CAPN9: variants seen among roughly 807,000 people sequenced by gnomAD.
CAPN9 encodes calpain 9.
CAPN9 carries 81 observed loss-of-function variants against 92.8 expected under a neutral mutation model. The ratio of observed to expected loss-of-function variants is 0.87; its 90% CI spans 0.73 to 1.05. The LOEUF is 1.05. CAPN9 is among the 50% of genes least tolerant of loss of function. CAPN9 has a pLI of 0.00. For missense variants in CAPN9, 848 were observed against 866.2 expected (o/e 0.98, Z 0.26); for synonymous variants, 304 against 328.0 (o/e 0.93, Z 0.79).
intron 7 of CAPN9, 142 bp downstream of exon 7, chr1:230,772,241 C>A (rs925215149): frequency 9.8e-5 from 65 of 663,008 alleles, no homozygotes; most frequent in Non-Finnish European, 2.4e-5. Flanking sequence ...CTGAGGTGCC[C>A]CTTCTTCCTC....
chr1:230,792,233 C>T (rs1668038573), intron 15 of CAPN9, among the ~76,000 whole-genome samples, 193 bp from the exon 16 acceptor site: 1 of 152,166 alleles, frequency 6.6e-6, no homozygotes, highest in Admixed American at 6.5e-5. Context: ...CGGGACCACC[C>T]CCATTCCACT....
chr1:230,790,325 C>A, intron 14 of CAPN9, 136 bp downstream of exon 14: 1 of 1,373,084 alleles, frequency 7.3e-7, no homozygotes, highest in Non-Finnish European at 9.4e-7. Flanking sequence ...TTAAAAATAG[C>A]TTTCATTGTT....
chr1:230,750,185 C>T (rs1298641854), intron 1 of CAPN9, among the ~76,000 whole-genome samples: 1 of 152,174 alleles, frequency 6.6e-6, no homozygotes, highest in Non-Finnish European at 1.5e-5. Flanking sequence ...TTGATACACA[C>T]AAGCCCCTGC....
At position 230,775,226 on chromosome 1, in the gene CAPN9, A is replaced by G. The variant is rs988056841; in HGVS notation, c.953+595A>G. Among the ~76,000 whole-genome samples the G allele has an allele frequency of 5.3e-5, 8 of 152,046 alleles. No homozygotes were observed. In the South Asian group the frequency reaches 1.5e-3, roughly 28 times the overall value. On this transcript the variant is annotated intron_variant, in intron 8 of 19. Coordinates refer to ENST00000271971, the MANE Select transcript of CAPN9 (RefSeq NM_006615.3). Reference sequence around the variant, plus strand: ...AAGAGCCTCTGGTCTCTAGCCTGACACACCTCCTTGGCACTCTTTGTCATC... The same window carrying G: ...AAGAGCCTCTGGTCTCTAGCCTGACGCACCTCCTTGGCACTCTTTGTCATC...
Position 230,751,607 on chromosome 1 carries a change from A to G in CAPN9, c.214-3730A>G, listed in dbSNP as rs202042957. Among the ~76,000 whole-genome samples the G allele has an allele frequency of 1.8e-3, 127 of 71,682 alleles. 2 individuals carry two copies. The highest frequency in any genetic ancestry group is 0.016 in the East Asian group (34 of 2,076). The allele number at this position is 71,682 out of a possible 152,430, so 47.0% of individuals were successfully genotyped here. A position where few individuals can be genotyped will look rare whatever the true frequency, so the allele number is the denominator to read the frequency against. Reference sequence around the variant, plus strand: ...AAACAAAGAAAGAAAGAAAGAAAGAAAGAGAAAGAAAGAAAGAAAGAAAGA... The same window carrying G: ...AAACAAAGAAAGAAAGAAAGAAAGAGAGAGAAAGAAAGAAAGAAAGAAAGA... On this transcript the variant is annotated intron_variant, in intron 1 of 19. Coordinates refer to ENST00000271971, the MANE Select transcript of CAPN9 (RefSeq NM_006615.3).
chr1:230,780,276 T>C lies in CAPN9; in HGVS notation c.1212T>C (p.Asp404=), dbSNP rs112080908. The C allele has an allele frequency of 1.4e-5, 22 of 1,614,022 alleles. No homozygotes were observed. Among genetic ancestry groups the C allele is most frequent in the African/African-American group, 2.7e-5 (2 of 74,898 alleles). ...TCCTTGTAGCCCTGATGCAGAAAGA[T>C]AGAAGGAAACTCAAGAGATTTGGTG... is the stretch of plus-strand genomic sequence containing the variant. ...CSFLVALMQK[D]RRKLKRFGAN... is the part of the protein sequence containing the mutation. The change falls in exon 10 of 20, where the codon GAT becomes GAC. Residue 404 remains aspartate (D), a synonymous_variant. Coordinates refer to ENST00000271971, the MANE Select transcript of CAPN9 (RefSeq NM_006615.3).
chr1:230,755,524 CT>C (rs1665167774), intron 2 of CAPN9, 118 bp downstream of exon 2: 1 of 688,546 alleles, frequency 1.5e-6, no homozygotes, highest in African/African-American at 1.8e-5. Context: ...AACAACACTG[CT>C]TCGGCCTCTG....
chr1:230,762,701 C>A lies in CAPN9; in HGVS notation c.451C>A (p.Pro151Thr). 1 of 1,614,188 alleles carries A rather than the reference C, an allele frequency of 6.2e-7. No homozygotes were observed. The highest frequency in any genetic ancestry group is 8.5e-7 in the Non-Finnish European group (1 of 1,180,014). The change falls in exon 4 of 20, where the codon CCC (proline) becomes ACC (threonine). Residue 151 changes from proline (P) to threonine (T), a missense_variant. Pro to Thr is a conservative substitution (Grantham distance 38, BLOSUM62 -1). Coordinates refer to ENST00000271971, the MANE Select transcript of CAPN9 (RefSeq NM_006615.3). ...GGACGTGGTGATCGATGACCGCCTG[C>A]CCACCTTCAGGGACCGCTTGGTTTT... The part of the protein sequence containing the change: ...WLDVVIDDRL[P>T]TFRDRLVFLH...
chr1:230,799,928 C>G (rs1668569126), intron 19 of CAPN9, among the ~76,000 whole-genome samples: 2 of 151,566 alleles, frequency 1.3e-5, no homozygotes, highest in African/African-American at 4.9e-5. Context: ...TTTGTAATCC[C>G]AGCACTCTGG....
chr1:230,779,455 A>C (rs982722127), intron 9 of CAPN9, among the ~76,000 whole-genome samples: 7 of 152,126 alleles, frequency 4.6e-5, no homozygotes, highest in Admixed American at 3.9e-4. Flanking sequence ...CAGTTCTATC[A>C]GGGCCCTGGT....
intron 1 of CAPN9, among the ~76,000 whole-genome samples, chr1:230,751,627 G>T (rs574036719): frequency 1.0e-4 from 8 of 77,612 alleles, no homozygotes; most frequent in African/African-American, 5.3e-4. Context: ...AAGAAAGAAA[G>T]AAAGAAAGAA....
chr1:230,765,732 C>T (rs1665947821), intron 4 of CAPN9, among the ~76,000 whole-genome samples: 1 of 152,122 alleles, frequency 6.6e-6, no homozygotes, highest in Non-Finnish European at 1.5e-5. Context: ...TGGGTTCATA[C>T]TAATTTGAAT....
At chr1:230,750,140 C>T (rs748336570) in intron 1 of CAPN9, among the ~76,000 whole-genome samples, 5 of 152,144 alleles carry the variant, frequency 3.3e-5, no homozygotes, top group African/African-American at 9.7e-5. Flanking sequence ...TTGCCCCAAA[C>T]GCTGGGTGAG....
intron 19 of CAPN9, among the ~76,000 whole-genome samples, chr1:230,800,458 C>T (rs112071567): frequency 6.6e-6 from 1 of 152,038 alleles, no homozygotes; most frequent in Non-Finnish European, 1.5e-5. Flanking sequence ...ACTCAGCGGC[C>T]CCCTGGCTAG....
Position 230,759,531 on chromosome 1 carries a change from C to T in CAPN9, c.303C>T (p.Ala101=), listed in dbSNP as rs150220094. Residue 101 remains alanine (A), a synonymous_variant, in exon 3 of 20, where the codon GCC becomes GCT. Transcript: ENST00000271971. The part of the protein sequence containing the change: ...QGELGDCWLL[A]AIASLTLNQK... Reference sequence around the variant, plus strand: ...TTGCAGGAGACTGCTGGCTATTAGCCGCCATCGCCTCCCTTACGCTTAATC... The same window carrying T: ...TTGCAGGAGACTGCTGGCTATTAGCTGCCATCGCCTCCCTTACGCTTAATC... The T allele has an allele frequency of 3.5e-4, 570 of 1,608,632 alleles. No homozygotes were observed. The highest frequency in any genetic ancestry group is 4.5e-4 in the Non-Finnish European group (535 of 1,178,034).
intron 6 of CAPN9, among the ~76,000 whole-genome samples, chr1:230,771,337 C>G (rs1335174779): frequency 6.6e-6 from 1 of 152,258 alleles, no homozygotes; most frequent in African/African-American, 2.4e-5. Flanking sequence ...CTTTCACCCT[C>G]TCTCCTCTAA....
At chr1:230,764,020 T>C (rs1280682992) in intron 4 of CAPN9, among the ~76,000 whole-genome samples, 1 of 152,118 alleles carries the variant, frequency 6.6e-6, no homozygotes, top group Non-Finnish European at 1.5e-5. Context: ...AAAAAAGATT[T>C]ATTGGGGTCA....
At chr1:230,792,641 C>T (rs1008519633) in intron 16 of CAPN9, 147 bp downstream of exon 16, 1 of 775,826 alleles carries the variant, frequency 1.3e-6, no homozygotes. Flanking sequence ...TCATGCTATT[C>T]CGATGCTTAC....
At chr1:230,758,052 C>A (rs549393560) in intron 2 of CAPN9, among the ~76,000 whole-genome samples, 21 of 152,302 alleles carry the variant, frequency 1.4e-4, no homozygotes, top group Admixed American at 3.9e-4. Flanking sequence ...CCAGCCCCAT[C>A]CATCTGCCCA....
Sources: allele counts gnomAD v4.1 joint callset (sites outside exome capture counted in the v4.1 genomes callset), GRCh38; gene constraint gnomAD v4.1.1; transcripts MANE v1.5; gene names NCBI Gene and HGNC (gene_info 2026-07-23, HGNC 2026-07-21).